Variants in DPP6 observed in about 807,000 individuals in gnomAD.
DPP6 encodes A-type potassium channel modulatory protein DPP6.
DPP6 carries 69 observed loss-of-function variants against 122.6 expected under a neutral mutation model. The observed-to-expected ratio is 0.56, with a 90% CI of 0.46 to 0.69. DPP6 has a LOEUF of 0.69. Ranked by LOEUF, DPP6 falls within the 30% of genes least tolerant of loss-of-function variation. The pLI, the probability that DPP6 is intolerant of heterozygous loss-of-function variation, is 0.00. For missense variants in DPP6, 928 were observed against 1,116.9 expected (o/e 0.83, Z 2.41); for synonymous variants, 418 against 433.1 (o/e 0.97, Z 0.43).
chr7:154,109,591 C>T (rs369735622), intron 1 of DPP6, among the ~76,000 whole-genome samples: 13 of 152,162 alleles, frequency 8.5e-5, no homozygotes, highest in Admixed American at 3.3e-4. Flanking sequence ...CGCGCCTGGC[C>T]GCTGTTAATT....
chr7:154,183,859 A>G (rs1238377960), intron 1 of DPP6, among the ~76,000 whole-genome samples: 1 of 152,222 alleles, frequency 6.6e-6, no homozygotes, highest in Non-Finnish European at 1.5e-5. Flanking sequence ...AGTGAGTGTA[A>G]AGAACTGTGG....
At chr7:153,793,936 G>A in the DPP6 span, among the ~76,000 whole-genome samples, 7,684 of 132,420 alleles carry the variant, frequency 0.058, no homozygotes, top group African/African-American at 0.15. Flanking sequence ...TGAGCCGGCA[G>A]GTGCACAATA....
At chr7:154,574,812 GAT>G (rs1563877989) in intron 5 of DPP6, among the ~76,000 whole-genome samples, 2 of 111,206 alleles carry the variant, frequency 1.8e-5, no homozygotes, top group Admixed American at 1.0e-4. Flanking sequence ...TTGTGTGTGT[GAT>G]GTGTTTGTGT....
chr7:153,934,905 G>A (rs552895621), intron 1 of DPP6, among the ~76,000 whole-genome samples: 1 of 152,312 alleles, frequency 6.6e-6, no homozygotes, highest in East Asian at 1.9e-4. Flanking sequence ...CCAGTACCAG[G>A]GAGGAGGCTC....
the DPP6 span, among the ~76,000 whole-genome samples, chr7:153,754,780 G>A: frequency 1.3e-5 from 2 of 152,086 alleles, no homozygotes; most frequent in Admixed American, 6.5e-5. Flanking sequence ...CATTTAATGA[G>A]TCTCTCCTCT....
intron 1 of DPP6, among the ~76,000 whole-genome samples, chr7:154,348,488 C>T (rs893183946): frequency 2.6e-5 from 4 of 152,108 alleles, no homozygotes; most frequent in African/African-American, 7.2e-5. Context: ...TAAAATAGAA[C>T]ATAAGTGGTG....
chr7:153,827,904 C>T, the DPP6 span, among the ~76,000 whole-genome samples: 1 of 152,210 alleles, frequency 6.6e-6, no homozygotes, highest in South Asian at 2.1e-4. Context: ...CCCTACCCTC[C>T]ACTGGGGGTT....
chr7:154,581,781 CT>C (rs1457677116), intron 5 of DPP6, among the ~76,000 whole-genome samples: 2 of 152,228 alleles, frequency 1.3e-5, no homozygotes, highest in African/African-American at 4.8e-5. Flanking sequence ...GGAAGGTTGG[CT>C]TGTGTATTGT....
intron 1 of DPP6, among the ~76,000 whole-genome samples, chr7:154,423,880 C>T (rs994509440): frequency 5.9e-5 from 9 of 152,132 alleles, no homozygotes; most frequent in South Asian, 2.1e-4. Flanking sequence ...AAGTTAAAGC[C>T]GGAAACTCAC....
intron 3 of DPP6, among the ~76,000 whole-genome samples, chr7:154,539,319 A>G (rs1828518966): frequency 6.6e-6 from 1 of 152,196 alleles, no homozygotes; most frequent in Non-Finnish European, 1.5e-5. Context: ...TTTAATTTGC[A>G]TCATCAGAGT....
chr7:154,107,824 C>G (rs1806283259), intron 1 of DPP6, among the ~76,000 whole-genome samples: 1 of 152,160 alleles, frequency 6.6e-6, no homozygotes, highest in Non-Finnish European at 1.5e-5. Flanking sequence ...TACTCTGGAG[C>G]TCTGGATGCT....
At chr7:154,380,570 C>T (rs945732882) in intron 1 of DPP6, among the ~76,000 whole-genome samples, 5 of 152,298 alleles carry the variant, frequency 3.3e-5, no homozygotes, top group East Asian at 1.9e-4. Context: ...AGTTGGGAAA[C>T]GGCAGGTGAG....
chr7:154,102,205 G>A (rs1273940380), intron 1 of DPP6, among the ~76,000 whole-genome samples: 1 of 151,492 alleles, frequency 6.6e-6, no homozygotes, highest in East Asian at 2.0e-4. Context: ...TTTCTTTTGA[G>A]ACAGAGTTCC....
intron 1 of DPP6, among the ~76,000 whole-genome samples, chr7:154,369,404 G>A (rs1812453862): frequency 6.6e-6 from 1 of 151,990 alleles, no homozygotes; most frequent in East Asian, 1.9e-4. Context: ...TTTTGCTATT[G>A]TCACCCAGGC....
At chr7:153,846,386 C>T in the DPP6 span, among the ~76,000 whole-genome samples, 1 of 152,164 alleles carries the variant, frequency 6.6e-6, no homozygotes, top group Non-Finnish European at 1.5e-5. Context: ...CAGATATATG[C>T]AATGTGTTCT....
At chr7:154,851,870 G>C (rs1370520554) in intron 16 of DPP6, among the ~76,000 whole-genome samples, 3 of 152,150 alleles carry the variant, frequency 2.0e-5, no homozygotes, top group Admixed American at 2.0e-4. Flanking sequence ...ACCACGTTGG[G>C]GAAAAGGGCC....
At chr7:154,060,312 A>C (rs866562150) in intron 1 of DPP6, among the ~76,000 whole-genome samples, 1 of 106,872 alleles carries the variant, frequency 9.4e-6, no homozygotes, top group South Asian at 3.2e-4. Context: ...CCTGGCTCTT[A>C]GGACCCCCAT....
In DPP6 at chr7:154,057,911, T is replaced by A. The variant is rs1471520471; in HGVS notation, c.243+4848T>A. On this transcript the variant is annotated intron_variant, in intron 1 of 25. Coordinates refer to ENST00000377770, the MANE Select transcript of DPP6 (RefSeq NM_130797.4). Reference sequence around the variant, plus strand: ...ACGTCTCTAAACAACTAGACAGGGTTGCTAAAGAATGGCCCCCCTATTTGA... The same window carrying A: ...ACGTCTCTAAACAACTAGACAGGGTAGCTAAAGAATGGCCCCCCTATTTGA... 11 of 151,038 alleles carry A rather than the reference T, an allele frequency of 7.3e-5. 1 individual carries two copies. The highest frequency in any genetic ancestry group is 2.7e-4 in the African/African-American group (11 of 40,326). 9.4% of individuals were successfully genotyped at this position (151,038 alleles called of 1,614,324 possible).
chr7:154,119,053 C>T (rs1292063294), intron 1 of DPP6, among the ~76,000 whole-genome samples: 2 of 152,216 alleles, frequency 1.3e-5, no homozygotes, highest in East Asian at 1.9e-4. Flanking sequence ...TCACCATACT[C>T]TTTACCAGAT....
Sources: allele counts gnomAD v4.1 joint callset (sites outside exome capture counted in the v4.1 genomes callset), GRCh38; gene constraint gnomAD v4.1.1; transcripts MANE v1.5; gene names NCBI Gene and HGNC (gene_info 2026-07-23, HGNC 2026-07-21).